The following SEZ6L variants were observed in gnomAD, a reference collection of about 807,000 sequenced individuals.
The protein encoded by SEZ6L is seizure related 6 homolog like, also known as seizure 6-like protein.
Under a neutral mutation model 106.2 loss-of-function variants are expected in SEZ6L, and 37 were observed. The observed-to-expected ratio is 0.35, with a 90% CI of 0.27 to 0.46. The LOEUF is 0.46. SEZ6L is among the 20% of genes least tolerant of loss of function. SEZ6L has a pLI of 1.00. For missense variants in SEZ6L, 1,172 were observed against 1,332.8 expected (o/e 0.88, Z 1.88); for synonymous variants, 541 against 570.4 (o/e 0.95, Z 0.73).
At chr22:26,271,513 G>A (rs2145839548) in intron 1 of SEZ6L, among the ~76,000 whole-genome samples, 1 of 152,308 alleles carries the variant, frequency 6.6e-6, no homozygotes, top group East Asian at 1.9e-4. Context: ...TTGGATCATG[G>A]GAGCGGATCC....
intron 1 of SEZ6L, among the ~76,000 whole-genome samples, chr22:26,189,165 CCCT>C (rs1270913390): frequency 1.3e-5 from 2 of 152,106 alleles, no homozygotes; most frequent in African/African-American, 4.8e-5. Flanking sequence ...CTACTATTTG[CCCT>C]CTACACCAAT....
At chr22:26,245,025 G>A (rs6004972) in intron 1 of SEZ6L, among the ~76,000 whole-genome samples, 3,098 of 152,302 alleles carry the variant, frequency 0.02, 112 homozygotes, top group African/African-American at 0.071. Flanking sequence ...GCAAGGATGG[G>A]TTTGAAGGGG....
Position 26,310,764 on chromosome 22 carries a change from G to A in SEZ6L, c.1609G>A (p.Gly537Ser). ...CCCTTTTGAGGGCCTGCTGAGCGAA[G>A]GCAACACCATCCGCATCGAGTTCAC... Reference protein sequence around the residue: ...SVPFEGLLSEGNTIRIEFTSD... With the variant: ...SVPFEGLLSESNTIRIEFTSD... Residue 537 changes from glycine to serine, a missense_variant, in exon 7 of 17, where the codon GGC (glycine) becomes AGC (serine). Physicochemically the swap from Gly to Ser is moderately conservative, Grantham distance 56 (BLOSUM62 0). This residue lies in a region of SEZ6L where 534 missense variants were observed against 691.0 expected (regional missense o/e 0.77). Coordinates refer to ENST00000248933, the MANE Select transcript of SEZ6L (RefSeq NM_021115.5). The A allele has an allele frequency of 6.2e-7, 1 of 1,614,118 alleles. No homozygotes were observed. The highest frequency in any genetic ancestry group is 1.1e-5 in the South Asian group (1 of 91,072).
intron 3 of SEZ6L, among the ~76,000 whole-genome samples, chr22:26,295,650 G>T (rs1423146842): frequency 6.6e-6 from 1 of 152,190 alleles, no homozygotes; most frequent in African/African-American, 2.4e-5. Flanking sequence ...GTCATGAAGA[G>T]TATTGGACCC....
In SEZ6L at chr22:26,351,142, C is replaced by T; in HGVS notation, c.2498C>T (p.Thr833Ile). Residue 833 changes from threonine to isoleucine, a missense_variant, in exon 12 of 17, where the codon ACC becomes ATC. Around this residue, in one of 4 missense-constraint regions of SEZ6L, gnomAD observed 534 missense variants for 691.0 expected, o/e 0.77. Transcript: ENST00000248933. ...CTGGTGGGGACCACCATCCAATACACCTGCAACCCCGGTTTTGTGCTTGAA... is the reference window on the plus strand; with the variant it reads ...CTGGTGGGGACCACCATCCAATACATCTGCAACCCCGGTTTTGTGCTTGAA... ...VLLVGTTIQY[T>I]CNPGFVLEGS... 6.2e-7 allele frequency: 1 copy of T among 1,614,206 alleles called. No homozygotes were observed.
chr22:26,377,631 T>C, intron 15 of SEZ6L, 42 bp from the exon 16 acceptor site: 2 of 1,483,646 alleles, frequency 1.3e-6, no homozygotes, highest in Non-Finnish European at 1.9e-6. Flanking sequence ...ATGTTTCTCC[T>C]AGCTGGGGAG....
intron 1 of SEZ6L, among the ~76,000 whole-genome samples, chr22:26,227,930 C>G (rs1044893222): frequency 2.6e-5 from 4 of 152,126 alleles, no homozygotes; most frequent in Non-Finnish European, 5.9e-5. Context: ...TAAAAACGTG[C>G]CAATGGCCAC....
intron 12 of SEZ6L, among the ~76,000 whole-genome samples, chr22:26,360,432 G>A (rs556993489): frequency 1.3e-5 from 2 of 152,306 alleles, no homozygotes; most frequent in Admixed American, 6.5e-5. Context: ...GACCATGTTC[G>A]CCTTGCTCAT....
At position 26,217,674 on chromosome 22, in the gene SEZ6L, A is replaced by G. The variant is rs1029982523; in HGVS notation, c.94+47911A>G. 3.9e-5 allele frequency among the ~76,000 whole-genome samples: 6 copies of G among 152,282 alleles called. No homozygotes were observed. The East Asian group carries it at 9.6e-4, about 24-fold the overall frequency. On this transcript the variant is annotated intron_variant, in intron 1 of 16. Transcript: ENST00000248933. The stretch of plus-strand genomic sequence containing the variant: ...CCCCACTCTGGGCCTCACTCTTCCA[A>G]TCTGTAAAATGGATGACAAGGCCCC...
At chr22:26,314,096 AGAGAGAGAGAGAGAG>A (rs1292298236) in intron 9 of SEZ6L, among the ~76,000 whole-genome samples, 194 bp downstream of exon 9, 2 of 95,058 alleles carry the variant, frequency 2.1e-5, no homozygotes, top group African/African-American at 1.0e-4. Flanking sequence ...ACACACACAC[AGAGAGAGAGAGAGAG>A]GAGAGAGAGA....
chr22:26,180,666 T>G (rs979327168), intron 1 of SEZ6L, among the ~76,000 whole-genome samples: 14 of 152,180 alleles, frequency 9.2e-5, no homozygotes, highest in African/African-American at 3.4e-4. Flanking sequence ...TATTTAGACA[T>G]TTAAAAGTGA....
At chr22:26,333,424 A>AC (rs138847369) in intron 9 of SEZ6L, among the ~76,000 whole-genome samples, 13,382 of 152,206 alleles carry the variant, frequency 0.088, 1,280 homozygotes, top group South Asian at 0.27. Context: ...TTTCAACTTA[A>AC]CCCTGGGGAG....
At chr22:26,352,075 T>C (rs1460708612) in intron 12 of SEZ6L, among the ~76,000 whole-genome samples, 1 of 151,384 alleles carries the variant, frequency 6.6e-6, no homozygotes, top group Non-Finnish European at 1.5e-5. Context: ...GTGGGAGGAT[T>C]GCTTGAGCCC....
chr22:26,377,123 A>G (rs1288844625), intron 15 of SEZ6L, among the ~76,000 whole-genome samples: 1 of 152,018 alleles, frequency 6.6e-6, no homozygotes, highest in African/African-American at 2.4e-5. Flanking sequence ...CTCGCCTCTT[A>G]AAAAATAAAA....
intron 1 of SEZ6L, among the ~76,000 whole-genome samples, chr22:26,280,484 G>C (rs2080726195): frequency 6.6e-6 from 1 of 152,092 alleles, no homozygotes. Flanking sequence ...TTGCACGAAA[G>C]GTAGCATACT....
At chr22:26,376,313 G>A (rs2084222592) in intron 15 of SEZ6L, among the ~76,000 whole-genome samples, 1 of 152,236 alleles carries the variant, frequency 6.6e-6, no homozygotes, top group Non-Finnish European at 1.5e-5. Flanking sequence ...GTTAGAAACT[G>A]ATAAGTGCAG....
At chr22:26,213,150 C>T (rs554635655) in intron 1 of SEZ6L, among the ~76,000 whole-genome samples, 1 of 152,322 alleles carries the variant, frequency 6.6e-6, no homozygotes, top group African/African-American at 2.4e-5. Flanking sequence ...TGAGGTTTAA[C>T]TTAGCCATAT....
intron 1 of SEZ6L, among the ~76,000 whole-genome samples, chr22:26,287,877 G>A (rs1214186178): frequency 6.6e-6 from 1 of 152,222 alleles, no homozygotes; most frequent in African/African-American, 2.4e-5. Flanking sequence ...AGTAGGGACT[G>A]AGAGATGAAT....
At chr22:26,368,955 A>G (rs1237239669) in intron 13 of SEZ6L, among the ~76,000 whole-genome samples, 1 of 152,106 alleles carries the variant, frequency 6.6e-6, no homozygotes, top group Non-Finnish European at 1.5e-5. Flanking sequence ...CAGGGCTACT[A>G]AGAAAGACCC....
Sources: gnomAD v4.1 joint callset for allele counts (sites outside exome capture counted in the v4.1 genomes callset) on GRCh38, gnomAD v4.1.1 for gene constraint, gnomAD v4.1.1 regional missense constraint, MANE v1.5 for transcripts, NCBI Gene and HGNC (gene_info 2026-07-23, HGNC 2026-07-21) for gene names.